PTPRG: variants seen among roughly 807,000 people sequenced by gnomAD.
PTPRG encodes receptor-type tyrosine-protein phosphatase gamma.
In PTPRG, 102 loss-of-function variants were observed where a neutral mutation model predicts 165.3. That is an observed-to-expected ratio of 0.62 (90% CI 0.53 to 0.73). The LOEUF is 0.73. Among genes scored for constraint, PTPRG ranks in the 30% least tolerant of loss-of-function variants. PTPRG has a pLI of 0.00. For missense variants in PTPRG, 1,866 were observed against 1,861.4 expected, an observed-to-expected ratio of 1.00 and a Z score of -0.05; for synonymous variants, 675 against 669.5, an observed-to-expected ratio of 1.01 and a Z score of -0.13.
rs1022753852 is a variant in PTPRG, at chr3:61,946,974, C to T, written c.191-42651C>T. 2.6e-5 allele frequency among the ~76,000 whole-genome samples: 4 copies of T among 152,124 alleles called. No homozygotes were observed. The East Asian group carries it at 7.7e-4, about 29-fold the overall frequency. ...AAAAGGAAGAGTGTTCTGCTAAAAT[C>T]TCTTCTTGGGGGATGTATGTTTGGG... is the stretch of plus-strand genomic sequence containing the variant. On this transcript the variant is annotated intron_variant, in intron 2 of 29. Transcript: ENST00000474889.
rs1009212099 is a variant in PTPRG at position 62,295,332 on chromosome 3, G to A, written c.*2025G>A. ...AGACTCTTTTTTTAGTCAATTAAGT[G>A]GGTTGTTTTAGATGTATAGAGTATT... On this transcript the variant is annotated 3_prime_UTR_variant, in exon 30 of 30. Transcript: ENST00000474889. 1 of 152,034 alleles carries A rather than the reference G, an allele frequency of 6.6e-6. No individual in the cohort carries two copies. Among genetic ancestry groups the A allele is most frequent in the Non-Finnish European group, 1.5e-5 (1 of 68,002 alleles). 9.4% of individuals were successfully genotyped at this position (152,034 alleles called of 1,614,324 possible).
At chr3:62,270,711 C>CA (rs1189529965) in intron 20 of PTPRG, among the ~76,000 whole-genome samples, 1 of 151,632 alleles carries the variant, frequency 6.6e-6, no homozygotes, top group African/African-American at 2.4e-5. Context: ...CTGAGTCATC[C>CA]AAAAAAAATT....
Position 61,989,711 on chromosome 3 carries a change from G to A in PTPRG, c.277G>A (p.Ala93Thr). The change falls in exon 3 of 30, where the codon GCG becomes ACG. Residue 93 changes from alanine (A) to threonine (T), a missense_variant. By Grantham distance (58) the Ala-to-Thr change is moderately conservative (BLOSUM62 0). This residue lies in a region of PTPRG where 408 missense variants were observed against 376.2 expected (regional missense o/e 1.08). Coordinates refer to ENST00000474889, the MANE Select transcript of PTPRG (RefSeq NM_002841.4). ...TCCTATTGACATTTTAGACCAGTAT[G>A]CGCGTGTTGGGGAAGAATACCAGGA... is the stretch of plus-strand genomic sequence containing the variant. ...QSPIDILDQY[A>T]RVGEEYQELQ... 6.2e-7 allele frequency: 1 copy of A among 1,614,146 alleles called. No individual in the cohort carries two copies.
At chr3:61,922,983 C>T (rs933783607) in intron 2 of PTPRG, among the ~76,000 whole-genome samples, 2 of 152,168 alleles carry the variant, frequency 1.3e-5, no homozygotes, top group African/African-American at 4.8e-5. Flanking sequence ...CTGCTCTATT[C>T]CCTTATGCCC....
In PTPRG at chr3:62,269,123, G is replaced by A; in HGVS notation, c.2963G>A (p.Cys988Tyr). 6.2e-7 allele frequency: 1 copy of A among 1,602,834 alleles called. No individual in the cohort carries two copies. Among genetic ancestry groups the A allele is most frequent in the Non-Finnish European group, 8.5e-7 (1 of 1,171,796 alleles). The stretch of plus-strand genomic sequence containing the variant: ...CTGAAGAGCACAAAAATACATGCCT[G>A]CTACACTGTTCGTCGTTTTTCAATC... ...VTLKSTKIHACYTVRRFSIRN... is the reference protein window; with the variant it reads ...VTLKSTKIHAYYTVRRFSIRN... Residue 988 changes from cysteine to tyrosine, a missense_variant, in exon 20 of 30, where the codon TGC becomes TAC. This residue lies in a region of PTPRG where 1,452 missense variants were observed against 1,463.0 expected (regional missense o/e 0.99). Coordinates refer to ENST00000474889, the MANE Select transcript of PTPRG (RefSeq NM_002841.4).
intron 2 of PTPRG, among the ~76,000 whole-genome samples, chr3:61,887,932 G>C (rs2038097455): frequency 6.6e-6 from 1 of 152,140 alleles, no homozygotes; most frequent in African/African-American, 2.4e-5. Context: ...TATAGATTCA[G>C]TCAGAGAGCT....
intron 5 of PTPRG, among the ~76,000 whole-genome samples, chr3:62,128,008 T>C (rs1703376762): frequency 6.6e-6 from 1 of 152,214 alleles, no homozygotes; most frequent in African/African-American, 2.4e-5. Flanking sequence ...TTTATGTGAA[T>C]TTGGCCTTCA....
At chr3:61,679,992 G>A (rs1024065796) in intron 1 of PTPRG, among the ~76,000 whole-genome samples, 4 of 151,928 alleles carry the variant, frequency 2.6e-5, no homozygotes, top group Non-Finnish European at 4.4e-5. Context: ...TCTCAATTTC[G>A]ATTGTCCCCT....
At chr3:62,167,268 T>C (rs1329474998) in intron 7 of PTPRG, among the ~76,000 whole-genome samples, 2 of 152,186 alleles carry the variant, frequency 1.3e-5, no homozygotes, top group Non-Finnish European at 2.9e-5. Flanking sequence ...ACCCATCTGG[T>C]AAATGTTGAA....
In PTPRG at chr3:61,602,802, G is replaced by T. The variant is rs1032721956; in HGVS notation, c.85+40430G>T. 2.6e-5 allele frequency among the ~76,000 whole-genome samples: 4 copies of T among 152,070 alleles called. No individual in the cohort carries two copies. The East Asian group carries it at 7.7e-4, about 29-fold the overall frequency. On this transcript the variant is annotated intron_variant, in intron 1 of 29. Coordinates refer to ENST00000474889, the MANE Select transcript of PTPRG (RefSeq NM_002841.4). The stretch of plus-strand genomic sequence containing the variant: ...TTGTGCCGGCTGGTGAGAACTGATT[G>T]TTACATTTTCAGGAATTTTGAGAGC...
At chr3:62,041,655 G>A (rs1248675253) in intron 4 of PTPRG, among the ~76,000 whole-genome samples, 1 of 152,110 alleles carries the variant, frequency 6.6e-6, no homozygotes, top group African/African-American at 2.4e-5. Context: ...GATTATACAG[G>A]ATTCAAGTGG....
At chr3:62,066,598 G>A (rs919088565) in intron 4 of PTPRG, among the ~76,000 whole-genome samples, 4 of 152,256 alleles carry the variant, frequency 2.6e-5, no homozygotes, top group Non-Finnish European at 5.9e-5. Context: ...CCTCCACTGT[G>A]TCCAAGGCGT....
intron 14 of PTPRG, 151 bp from the exon 15 acceptor site, chr3:62,243,656 T>C (rs1018741092): frequency 2.8e-5 from 14 of 505,254 alleles, no homozygotes; most frequent in African/African-American, 2.2e-4. Flanking sequence ...AGGCTGAATG[T>C]TGTCCTTGTA....
intron 1 of PTPRG, among the ~76,000 whole-genome samples, chr3:61,685,536 A>G (rs890316771): frequency 6.6e-6 from 1 of 152,226 alleles, no homozygotes; most frequent in Non-Finnish European, 1.5e-5. Flanking sequence ...GGACAGAAAC[A>G]GGCAGACCCC....
rs1427979392 is a variant in PTPRG at position 61,880,407 on chromosome 3, C to G, written c.191-109218C>G. On this transcript the variant is annotated intron_variant, in intron 2 of 29. Transcript: ENST00000474889. Reference sequence around the variant, plus strand: ...GACCAAGGCAAGTGGATTGCTTGAGCTCAGGAGTTTGAGATCAGCCTGGCC... The same window carrying G: ...GACCAAGGCAAGTGGATTGCTTGAGGTCAGGAGTTTGAGATCAGCCTGGCC... Among the ~76,000 whole-genome samples the G allele has an allele frequency of 2.6e-5, 4 of 152,242 alleles. No individual in the cohort carries two copies. In the East Asian group the frequency reaches 7.7e-4, roughly 29 times the overall value.
chr3:62,069,728 A>C (rs9869143), intron 4 of PTPRG, among the ~76,000 whole-genome samples: 103,810 of 148,396 alleles, frequency 0.7, 38,025 homozygotes, highest in Non-Finnish European at 0.79. Context: ...GCACGCACAG[A>C]GTAACTCCGG....
intron 2 of PTPRG, among the ~76,000 whole-genome samples, chr3:61,972,090 G>A (rs1228907840): frequency 6.6e-6 from 1 of 152,200 alleles, no homozygotes; most frequent in Non-Finnish European, 1.5e-5. Flanking sequence ...AATAAAAAGA[G>A]GAAGAAAGCA....
chr3:62,221,475 T>C (rs1340590015), intron 13 of PTPRG, among the ~76,000 whole-genome samples: 1 of 152,232 alleles, frequency 6.6e-6, no homozygotes, highest in Non-Finnish European at 1.5e-5. Context: ...GTCCAACTTT[T>C]AAAAAATTAT....
intron 2 of PTPRG, among the ~76,000 whole-genome samples, chr3:61,973,966 T>C (rs1575839121): frequency 6.6e-6 from 1 of 151,988 alleles, no homozygotes; most frequent in East Asian, 1.9e-4. Context: ...GTACATAGAC[T>C]ACTGTCAGAG....
Sources: gnomAD v4.1 joint callset for allele counts (sites outside exome capture counted in the v4.1 genomes callset) on GRCh38, gnomAD v4.1.1 for gene constraint, gnomAD v4.1.1 regional missense constraint, MANE v1.5 for transcripts, NCBI Gene and HGNC (gene_info 2026-07-23, HGNC 2026-07-21) for gene names.